Variants in RB1CC1 observed in about 807,000 individuals in gnomAD.
RB1CC1 encodes the protein RB1-inducible coiled-coil protein 1.
RB1CC1 carries 46 observed loss-of-function variants against 177.5 expected under a neutral mutation model. The ratio of observed to expected loss-of-function variants is 0.26; its 90% CI spans 0.20 to 0.33. The LOEUF (loss-of-function observed/expected upper bound fraction) is 0.33. Among genes scored for constraint, RB1CC1 ranks in the 10% least tolerant of loss-of-function variants. The pLI is 1.00. For synonymous variants in RB1CC1, 666 were observed against 613.6 expected, an observed-to-expected ratio of 1.09 and a Z score of -1.26; for missense variants, 1,703 against 1,816.3, an observed-to-expected ratio of 0.94 and a Z score of 1.13.
chr8:52,662,705 G>A (rs1178703336), intron 8 of RB1CC1, among the ~76,000 whole-genome samples: 1 of 151,944 alleles, frequency 6.6e-6, no homozygotes, highest in African/African-American at 2.4e-5. Context: ...TAAATATCAT[G>A]ACATTTAGAT....
chr8:52,664,268 C>T (rs1851870881), intron 8 of RB1CC1, among the ~76,000 whole-genome samples: 1 of 152,158 alleles, frequency 6.6e-6, no homozygotes, highest in African/African-American at 2.4e-5. Context: ...CAATTGAAAA[C>T]TGTCTACCTT....
chr8:52,697,143 C>T (rs901315748), intron 1 of RB1CC1, among the ~76,000 whole-genome samples: 2 of 151,972 alleles, frequency 1.3e-5, no homozygotes, highest in African/African-American at 4.8e-5. Context: ...AAAAGTAAAC[C>T]TGAATTTAAT....
At chr8:52,641,681 G>T (rs1474135197) in intron 18 of RB1CC1, among the ~76,000 whole-genome samples, 1 of 152,030 alleles carries the variant, frequency 6.6e-6, no homozygotes, top group Non-Finnish European at 1.5e-5. Flanking sequence ...ATAATTCTTT[G>T]TGTGGCATAA....
In RB1CC1 at chr8:52,676,667, T is replaced by C. The variant is rs189208816; in HGVS notation, c.370-96A>G. The C allele has an allele frequency of 1.2e-3, 1,272 of 1,053,740 alleles. 3 individuals carry two copies. Among genetic ancestry groups the C allele is most frequent in the African/African-American group, 3.7e-3 (232 of 62,094 alleles). The allele number at this position is 1,053,740 out of a possible 1,614,324, so 65.3% of individuals were successfully genotyped here. A position where few individuals can be genotyped will look rare whatever the true frequency, so the allele number is the denominator to read the frequency against. On this transcript the variant is annotated intron_variant, in intron 5 of 23. Coordinates refer to ENST00000025008, the MANE Select transcript of RB1CC1 (RefSeq NM_014781.5). ...TACAAACATGTACGTGTGGATGCGT[T>C]GTAGAGCACATTTAACAAAGTATTT... is the stretch of plus-strand genomic sequence containing the variant.
intron 5 of RB1CC1, among the ~76,000 whole-genome samples, chr8:52,681,941 C>A (rs1224289016): frequency 1.3e-5 from 2 of 152,116 alleles, no homozygotes; most frequent in East Asian, 1.9e-4. Flanking sequence ...GGGGTCGGAG[C>A]CCCCACACAG....
intron 8 of RB1CC1, among the ~76,000 whole-genome samples, chr8:52,666,120 CAGA>C (rs1254475300): frequency 6.6e-6 from 1 of 152,008 alleles, no homozygotes; most frequent in African/African-American, 2.4e-5. Context: ...AAATTATCTG[CAGA>C]AGAAAACGTT....
In RB1CC1 at chr8:52,676,435, A is replaced by G; in HGVS notation, c.506T>C (p.Phe169Ser). ...ATTTGAATAAATACTTTCAAACTTG[A>G]AAAGTAGCTTTTGGTATGAATTTGA... The part of the protein sequence containing the change: ...DCSNSYQKLL[F>S]KFESIYSNYL... Residue 169 changes from phenylalanine to serine, a missense_variant, in exon 6 of 24, where the codon TTC becomes TCC. Coordinates refer to ENST00000025008, the MANE Select transcript of RB1CC1 (RefSeq NM_014781.5). 1 of 1,613,264 alleles carries G rather than the reference A, an allele frequency of 6.2e-7. No individual in the cohort carries two copies. Among genetic ancestry groups the G allele is most frequent in the East Asian group, 2.2e-5 (1 of 44,864 alleles).
Position 52,676,431 on chromosome 8 carries a change from C to G in RB1CC1, c.510G>C (p.Lys170Asn), listed in dbSNP as rs1853132395. The G allele has an allele frequency of 6.2e-7, 1 of 1,612,952 alleles. No individual in the cohort carries two copies. The highest frequency in any genetic ancestry group is 1.7e-5 in the Admixed American group (1 of 59,842). Residue 170 changes from lysine (K) to asparagine (N), a missense_variant, in exon 6 of 24, where the codon AAG becomes AAC. Lys to Asn is a moderately conservative substitution (Grantham distance 94). Coordinates refer to ENST00000025008, the MANE Select transcript of RB1CC1 (RefSeq NM_014781.5). ...CSNSYQKLLF[K>N]FESIYSNYLQ... ...GATAATTTGAATAAATACTTTCAAACTTGAAAAGTAGCTTTTGGTATGAAT... is the reference window on the plus strand; with the variant it reads ...GATAATTTGAATAAATACTTTCAAAGTTGAAAAGTAGCTTTTGGTATGAAT...
At position 52,708,327 on chromosome 8, in the gene RB1CC1, T is replaced by C. The variant is rs554959267; in HGVS notation, c.-167+5748A>G. On this transcript the variant is annotated intron_variant, in intron 1 of 23. Transcript: ENST00000025008. ...GTAAGGAGATCGAGACCATCCTGGC[T>C]AACACAGTGAAACCCCGTCTCTGCT... Among the ~76,000 whole-genome samples, 481 of 152,110 alleles carry C rather than the reference T, an allele frequency of 3.2e-3. 3 individuals are homozygous for C. The highest frequency in any genetic ancestry group is 5.2e-3 in the Non-Finnish European group (355 of 67,974).
At chr8:52,697,536 A>G (rs371019532) in intron 1 of RB1CC1, among the ~76,000 whole-genome samples, 1 of 152,292 alleles carries the variant, frequency 6.6e-6, no homozygotes, top group African/African-American at 2.4e-5. Context: ...ATGAACTCTG[A>G]AAAATTAGTG....
chr8:52,643,518 C>G (rs531475125), intron 16 of RB1CC1, among the ~76,000 whole-genome samples: 1 of 150,754 alleles, frequency 6.6e-6, no homozygotes, highest in East Asian at 1.9e-4. Context: ...CTGAGCAACA[C>G]AAGATCGAGT....
intron 8 of RB1CC1, among the ~76,000 whole-genome samples, chr8:52,662,741 C>A (rs1851737456): frequency 6.6e-6 from 1 of 152,038 alleles, no homozygotes; most frequent in South Asian, 2.1e-4. Context: ...TGAAGTCAAA[C>A]TGGTTCAATA....
At chr8:52,633,575 A>G (rs576892421) in intron 20 of RB1CC1, among the ~76,000 whole-genome samples, 1 of 152,366 alleles carries the variant, frequency 6.6e-6, no homozygotes, top group African/African-American at 2.4e-5. Context: ...TCACTACAAG[A>G]TATTTTTATT....
chr8:52,672,180 C>A (rs1205850882), intron 7 of RB1CC1, among the ~76,000 whole-genome samples: 1 of 152,112 alleles, frequency 6.6e-6, no homozygotes, highest in Non-Finnish European at 1.5e-5. Context: ...TAGAGTCTCA[C>A]TATGTTGCCC....
Position 52,695,436 on chromosome 8 carries a change from T to C in RB1CC1, c.-166-8469A>G, listed in dbSNP as rs547306963. Among the ~76,000 whole-genome samples, 37 of 152,334 alleles carry C rather than the reference T, an allele frequency of 2.4e-4. 1 individual carries two copies. In the South Asian group the frequency reaches 2.5e-3, roughly 10 times the overall value. On this transcript the variant is annotated intron_variant, in intron 1 of 23. Coordinates refer to ENST00000025008, the MANE Select transcript of RB1CC1 (RefSeq NM_014781.5). Reference sequence around the variant, plus strand: ...TAGGCCCCTGTAATATCCTGACAGATAGAACTGTGTTTGTTTGCCTTAGGG... The same window carrying C: ...TAGGCCCCTGTAATATCCTGACAGACAGAACTGTGTTTGTTTGCCTTAGGG...
intron 5 of RB1CC1, among the ~76,000 whole-genome samples, chr8:52,679,358 AG>A (rs1178366381): frequency 6.6e-6 from 1 of 152,244 alleles, no homozygotes; most frequent in Admixed American, 6.5e-5. Context: ...TGTGCGGGAC[AG>A]AAAGTCACAC....
chr8:52,706,299 A>C (rs1407890787), intron 1 of RB1CC1, among the ~76,000 whole-genome samples: 2 of 148,062 alleles, frequency 1.4e-5, no homozygotes, highest in East Asian at 2.0e-4. Context: ...GTTCTGCCCC[A>C]CTCCCATTCT....
rs767267953 is a variant in RB1CC1 at position 52,660,893 on chromosome 8, CA to C, written c.1627+32del. ...AGCTTATAAAAACTTTTATCCTTTA[CA>C]AAAGTAATTAAAATTATTAATGAAC... On this transcript the variant is annotated intron_variant, in intron 11 of 23. Transcript: ENST00000025008. 2.6e-6 allele frequency: 4 copies of C among 1,552,220 alleles called. No individual in the cohort carries two copies. The Admixed American group carries it at 7.1e-5, about 27-fold the overall frequency.
At chr8:52,645,058 T>C (rs551782349) in intron 16 of RB1CC1, among the ~76,000 whole-genome samples, 131 of 152,278 alleles carry the variant, frequency 8.6e-4, no homozygotes, top group Non-Finnish European at 1.6e-3. Flanking sequence ...TCCGGTACTT[T>C]AGGTAAAGTA....
Sources: gnomAD v4.1 joint callset for allele counts (sites outside exome capture counted in the v4.1 genomes callset) on GRCh38, gnomAD v4.1.1 for gene constraint, MANE v1.5 for transcripts, NCBI Gene and HGNC (gene_info 2026-07-23, HGNC 2026-07-21) for gene names.